Variants in MAP2 observed in about 807,000 individuals in gnomAD.
The protein encoded by MAP2 is microtubule associated protein 2.
Under a neutral mutation model 137.6 loss-of-function variants are expected in MAP2, and 14 were observed. The observed-to-expected ratio is 0.10, with a 90% CI of 0.07 to 0.16. MAP2 has a LOEUF of 0.16. Among genes scored for constraint, MAP2 ranks in the 10% least tolerant of loss-of-function variants. The pLI is 1.00. For missense variants in MAP2, 2,088 were observed against 2,191.5 expected, an observed-to-expected ratio of 0.95 and a Z score of 0.94; for synonymous variants, 786 against 782.3, an observed-to-expected ratio of 1.00 and a Z score of -0.08.
intron 3 of MAP2, among the ~76,000 whole-genome samples, chr2:209,587,585 C>T (rs2078089304): frequency 6.6e-6 from 1 of 152,100 alleles, no homozygotes; most frequent in South Asian, 2.1e-4. Flanking sequence ...TAGAATGTAA[C>T]TCTAGTCATC....
At chr2:209,630,387 A>G (rs1474956275) in intron 4 of MAP2, among the ~76,000 whole-genome samples, 1 of 152,136 alleles carries the variant, frequency 6.6e-6, no homozygotes, top group Non-Finnish European at 1.5e-5. Flanking sequence ...CCCATTACAC[A>G]AGCACAACTC....
chr2:209,714,370 T>C (rs1301319532), intron 13 of MAP2, among the ~76,000 whole-genome samples: 1 of 152,246 alleles, frequency 6.6e-6, no homozygotes, highest in East Asian at 1.9e-4. Flanking sequence ...TGGATCTGAT[T>C]GATTGCCTCT....
chr2:209,584,105 A>G (rs1335887837), intron 3 of MAP2, among the ~76,000 whole-genome samples: 2 of 152,064 alleles, frequency 1.3e-5, no homozygotes, highest in African/African-American at 4.8e-5. Context: ...ACATGATTTC[A>G]TTCTTTTTAT....
At chr2:209,580,689 A>C (rs1358133540) in intron 3 of MAP2, among the ~76,000 whole-genome samples, 1 of 152,216 alleles carries the variant, frequency 6.6e-6, no homozygotes, top group Non-Finnish European at 1.5e-5. Flanking sequence ...TTTATTTGGA[A>C]TTGACAGCAT....
At chr2:209,729,049 A>G (rs2075157549) in intron 14 of MAP2, among the ~76,000 whole-genome samples, 1 of 152,212 alleles carries the variant, frequency 6.6e-6, no homozygotes, top group Admixed American at 6.5e-5. Context: ...AGAACTTTCC[A>G]TATTTGAGAG....
intron 14 of MAP2, 131 bp from the exon 15 acceptor site, chr2:209,729,719 A>G (rs1358588465): frequency 6.4e-6 from 4 of 621,288 alleles, no homozygotes; most frequent in East Asian, 5.6e-5. Flanking sequence ...CTCTTTTTAC[A>G]TATATGGTTG....
At chr2:209,546,754 A>G (rs1273446891) in intron 2 of MAP2, among the ~76,000 whole-genome samples, 1 of 152,212 alleles carries the variant, frequency 6.6e-6, no homozygotes, top group East Asian at 1.9e-4. Context: ...AAAAGAATCT[A>G]TATGCATGGC....
intron 14 of MAP2, among the ~76,000 whole-genome samples, chr2:209,727,523 A>C (rs1305206097): frequency 1.3e-5 from 2 of 152,246 alleles, no homozygotes; most frequent in Admixed American, 6.5e-5. Flanking sequence ...ACCTATTTCT[A>C]AATCTAGCTC....
chr2:209,591,970 C>T lies in MAP2; in HGVS notation c.-107+11870C>T, dbSNP rs923408873. Among the ~76,000 whole-genome samples, 8 of 152,038 alleles carry T rather than the reference C, an allele frequency of 5.3e-5. No homozygotes were observed. The East Asian group carries it at 1.5e-3, about 29-fold the overall frequency. On this transcript the variant is annotated intron_variant, in intron 3 of 15. Transcript: ENST00000682079. ...TTGAATATATTCAAAAATATATTTC[C>T]CTGTTGAATCAAACACTGTAATCAG...
intron 2 of MAP2, among the ~76,000 whole-genome samples, chr2:209,571,207 T>C (rs541761104): frequency 6.6e-6 from 1 of 152,042 alleles, no homozygotes; most frequent in South Asian, 2.1e-4. Flanking sequence ...CTAAAACTTA[T>C]GAATGAAGAA....
intron 2 of MAP2, among the ~76,000 whole-genome samples, chr2:209,571,099 A>T (rs2074317824): frequency 6.6e-6 from 1 of 152,014 alleles, no homozygotes; most frequent in Non-Finnish European, 1.5e-5. Context: ...ATATACACAT[A>T]ATCATATAGT....
At position 209,537,892 on chromosome 2, in the gene MAP2, A is replaced by G. The variant is rs186242271; in HGVS notation, c.-172+30251A>G. 3.4e-4 allele frequency among the ~76,000 whole-genome samples: 52 copies of G among 152,312 alleles called. No homozygotes were observed. The East Asian group carries it at 8.7e-3, about 25-fold the overall frequency. On this transcript the variant is annotated intron_variant, in intron 2 of 15. Transcript: ENST00000682079. ...ATAAGAAGCATTAATAAGCACAGAAATAATAATAATATCAACAATATTTGA... is the reference window on the plus strand; with the variant it reads ...ATAAGAAGCATTAATAAGCACAGAAGTAATAATAATATCAACAATATTTGA...
At chr2:209,454,278 G>A (rs754350471) in intron 1 of MAP2, among the ~76,000 whole-genome samples, 3 of 151,954 alleles carry the variant, frequency 2.0e-5, no homozygotes, top group Non-Finnish European at 2.9e-5. Context: ...CTGGTGTAAG[G>A]CAGGATTGTT....
intron 1 of MAP2, among the ~76,000 whole-genome samples, chr2:209,490,812 A>G (rs2059015731): frequency 1.3e-5 from 2 of 152,002 alleles, no homozygotes; most frequent in South Asian, 4.2e-4. Flanking sequence ...AGGTTCTTAG[A>G]GACCTACAAA....
chr2:209,632,163 A>G (rs961393350), intron 4 of MAP2, among the ~76,000 whole-genome samples: 8 of 152,294 alleles, frequency 5.3e-5, no homozygotes, highest in Middle Eastern at 3.4e-3. Flanking sequence ...TACACCTTCA[A>G]TATGTGGCAG....
chr2:209,557,650 G>A (rs191065327), intron 2 of MAP2, among the ~76,000 whole-genome samples: 15 of 152,288 alleles, frequency 9.8e-5, no homozygotes, highest in African/African-American at 3.6e-4. Context: ...TGGATCCCAG[G>A]GGCTCTGAAG....
chr2:209,704,382 T>C lies in MAP2; in HGVS notation c.4585-1198T>C, dbSNP rs140534562. 250 of 1,422,784 alleles carry C rather than the reference T, an allele frequency of 1.8e-4. No individual in the cohort carries two copies. In the African/African-American group the frequency reaches 3.3e-3, roughly 19 times the overall value. 88.1% of individuals were successfully genotyped at this position (1,422,784 alleles called of 1,614,324 possible). On this transcript the variant is annotated intron_variant, in intron 11 of 15. Transcript: ENST00000682079. ...GAGTTTCTTATATGTTTATACTTCT[T>C]TTTTATCTTCCTTTTACTTTATAGT...
intron 5 of MAP2, among the ~76,000 whole-genome samples, chr2:209,654,944 G>T (rs16843388): frequency 0.033 from 5,025 of 152,132 alleles, 270 homozygotes; most frequent in African/African-American, 0.11. Flanking sequence ...TTGGGCTCTC[G>T]CCAGTTGACT....
intron 4 of MAP2, among the ~76,000 whole-genome samples, chr2:209,636,974 G>T (rs2153565693): frequency 6.6e-6 from 1 of 152,250 alleles, no homozygotes; most frequent in Non-Finnish European, 1.5e-5. Flanking sequence ...TTCCCAGCTT[G>T]TATAGGATCC....
Sources: allele counts gnomAD v4.1 joint callset (sites outside exome capture counted in the v4.1 genomes callset), GRCh38; gene constraint gnomAD v4.1.1; transcripts MANE v1.5; gene names NCBI Gene and HGNC (gene_info 2026-07-23, HGNC 2026-07-21).